The following TMEM175 variants were observed in gnomAD, a reference collection of about 807,000 sequenced individuals.
TMEM175 encodes the protein transmembrane protein 175.
A neutral mutation model predicts 36.5 loss-of-function variants in TMEM175; 36 were observed. That is an observed-to-expected ratio of 0.99 (90% confidence interval 0.76 to 1.30). The LOEUF is 1.30. Among genes scored for constraint, TMEM175 ranks in the 50% most tolerant of loss-of-function variants. The pLI is 0.00. For synonymous variants in TMEM175, 339 were observed against 313.4 expected, an observed-to-expected ratio of 1.08 and a Z score of -0.86; for missense variants, 705 against 692.8, an observed-to-expected ratio of 1.02 and a Z score of -0.20.
At chr4:943,090 TCAGTAA>T in intron 1 of TMEM175, among the ~76,000 whole-genome samples, 1 of 152,056 alleles carries the variant, frequency 6.6e-6, no homozygotes, top group South Asian at 2.1e-4. Flanking sequence ...TACAAACAAC[TCAGTAA>T]ACAAGCAAAG....
intron 3 of TMEM175, chr4:948,478 C>A (rs1163506651): frequency 6.9e-7 from 1 of 1,447,498 alleles, no homozygotes; most frequent in South Asian, 1.2e-5. Flanking sequence ...CGGGCCTGCC[C>A]CAAGGACAGA....
chr4:953,534 T>G (rs1167699317), intron 8 of TMEM175, among the ~76,000 whole-genome samples, 180 bp downstream of exon 8: 1 of 152,134 alleles, frequency 6.6e-6, no homozygotes, highest in Non-Finnish European at 1.5e-5. Flanking sequence ...GGAGGCCTGC[T>G]CCACCTGAGG....
At chr4:955,282 T>A (rs1324427304) in intron 8 of TMEM175, 123 bp from the exon 9 acceptor site, 4 of 711,156 alleles carry the variant, frequency 5.6e-6, no homozygotes, top group Non-Finnish European at 9.9e-6. Context: ...CCCCATCAGA[T>A]ACATGATCTG....
chr4:947,858 G>A lies in TMEM175; in HGVS notation c.119G>A (p.Ser40Asn). 1 of 1,613,658 alleles carries A rather than the reference G, an allele frequency of 6.2e-7. No individual in the cohort carries two copies. Among genetic ancestry groups the A allele is most frequent in the South Asian group, 1.1e-5 (1 of 91,092 alleles). Residue 40 changes from serine (S) to asparagine (N), a missense_variant, in exon 2 of 11, where the codon AGT becomes AAT. Physicochemically the swap from Ser to Asn is conservative, Grantham distance 46 (BLOSUM62 1). Coordinates refer to ENST00000264771, the MANE Select transcript of TMEM175 (RefSeq NM_032326.4). Reference sequence around the variant, plus strand: ...TGCTCCCAACGCATGCTCAGCTTCAGTGACGCCCTGCTGTCCATCATCGCC... The same window carrying A: ...TGCTCCCAACGCATGCTCAGCTTCAATGACGCCCTGCTGTCCATCATCGCC... ...IQCSQRMLSF[S>N]DALLSIIATV...
At chr4:944,585 C>T (rs760515599) in intron 1 of TMEM175, among the ~76,000 whole-genome samples, 3 of 152,096 alleles carry the variant, frequency 2.0e-5, no homozygotes, top group African/African-American at 4.8e-5. Flanking sequence ...CATTTCTTAC[C>T]GTATACACAT....
At position 943,328 on chromosome 4, in the gene TMEM175, C is replaced by T. The variant is rs187695912; in HGVS notation, c.-31-4381C>T. ...GTGCAGTGGCACGATCTTGGCTCACCGCAACGTCCACTTTCTGGGATCAAG... is the reference window on the plus strand; with the variant it reads ...GTGCAGTGGCACGATCTTGGCTCACTGCAACGTCCACTTTCTGGGATCAAG... On this transcript the variant is annotated intron_variant, in intron 1 of 10. Coordinates refer to ENST00000264771, the MANE Select transcript of TMEM175 (RefSeq NM_032326.4). 6.0e-3 allele frequency among the ~76,000 whole-genome samples: 908 copies of T among 152,288 alleles called. 5 individuals carry two copies. The highest frequency in any genetic ancestry group is 8.4e-3 in the Non-Finnish European group (572 of 68,022).
chr4:940,520 A>T (rs962440720), intron 1 of TMEM175, among the ~76,000 whole-genome samples: 1 of 151,332 alleles, frequency 6.6e-6, no homozygotes, highest in Non-Finnish European at 1.5e-5. Context: ...AGCACCAGAG[A>T]TTTTTAGGGT....
At chr4:934,086 A>C (rs1324487258) in intron 1 of TMEM175, among the ~76,000 whole-genome samples, 1 of 152,256 alleles carries the variant, frequency 6.6e-6, no homozygotes, top group African/African-American at 2.4e-5. Flanking sequence ...ATACAACTGC[A>C]ATTCAACGCA....
chr4:956,307 C>T (rs570403995), intron 10 of TMEM175: 24 of 1,280,994 alleles, frequency 1.9e-5, no homozygotes, highest in Admixed American at 2.6e-5. Context: ...TGCCCCCCAT[C>T]GCTTCGCAGC....
intron 1 of TMEM175, among the ~76,000 whole-genome samples, chr4:935,146 C>T (rs1429312503): frequency 6.6e-6 from 1 of 152,212 alleles, no homozygotes; most frequent in Non-Finnish European, 1.5e-5. Flanking sequence ...GACCTGGGAT[C>T]AGCTGGACAT....
In TMEM175 at chr4:951,207, G is replaced by A; in HGVS notation, c.291G>A (p.Arg97=). 1 of 1,614,046 alleles carries A rather than the reference G, an allele frequency of 6.2e-7. No homozygotes were observed. Among genetic ancestry groups the A allele is most frequent in the East Asian group, 2.2e-5 (1 of 44,886 alleles). ...TCTATCTTTTTCTTAAATGGTTTAG[G>A]TTGTTCCAAGTTGTTGGGAAAACAG... The part of the protein sequence containing the change: ...IVTVAWAAHT[R]LFQVVGKTDD... The change falls in exon 5 of 11, where the codon AGG becomes AGA. Residue 97 remains arginine, a splice_region_variant and synonymous_variant. Transcript: ENST00000264771.
chr4:958,089 C>G lies in TMEM175; in HGVS notation c.1108C>G (p.Arg370Gly), dbSNP rs373083547. Residue 370 changes from arginine to glycine, a missense_variant, in exon 11 of 11, where the codon CGC becomes GGC. Arg to Gly is a moderately radical substitution (Grantham distance 125). Transcript: ENST00000264771. ...GACCTCGGCCTTCGCCCGGCAGCCC[C>G]GCGATGAGCTGGAGCGCGTGCGTGT... ...QQTSAFARQP[R>G]DELERVRVSC... 2.5e-6 allele frequency: 4 copies of G among 1,607,176 alleles called. No homozygotes were observed. Among genetic ancestry groups the G allele is most frequent in the Admixed American group, 1.7e-5 (1 of 59,998 alleles).
chr4:957,888 C>T lies in TMEM175; in HGVS notation c.907C>T (p.Leu303=), dbSNP rs566394458. The stretch of plus-strand genomic sequence containing the variant: ...GTTCAGCGGCAGCCTCGTGGCCGCC[C>T]TGAGTGCGACCGGGCCGCGCTTCCT... ...ERFSGSLVAA[L]SATGPRFLAY... The change falls in exon 11 of 11, where the codon CTG becomes TTG. Residue 303 remains leucine (L), a synonymous_variant. Coordinates refer to ENST00000264771, the MANE Select transcript of TMEM175 (RefSeq NM_032326.4). The T allele has an allele frequency of 3.0e-5, 49 of 1,612,710 alleles. No homozygotes were observed. In the East Asian group the frequency reaches 9.8e-4, roughly 32 times the overall value.
rs1729543114 is a variant in TMEM175 at position 955,789 on chromosome 4, C to T, written c.741C>T (p.Val247=). 5 of 1,613,682 alleles carry T rather than the reference C, an allele frequency of 3.1e-6. No individual in the cohort carries two copies. Among genetic ancestry groups the T allele is most frequent in the Non-Finnish European group, 4.2e-6 (5 of 1,179,954 alleles). Reference sequence around the variant, plus strand: ...AGCCCTCGGCTCACCCAGTGGAAGTCTTCTCGTTTGACCTCCACGAGCCAC... The same window carrying T: ...AGCCCTCGGCTCACCCAGTGGAAGTTTTCTCGTTTGACCTCCACGAGCCAC... The part of the protein sequence containing the change: ...HREPSAHPVE[V]FSFDLHEPLS... Residue 247 remains valine (V), a synonymous_variant, in exon 10 of 11, where the codon GTC becomes GTT. Transcript: ENST00000264771.
In TMEM175 at chr4:953,663, C is replaced by A. The variant is rs76096556; in HGVS notation, c.627+309C>A. 1.3e-3 allele frequency among the ~76,000 whole-genome samples: 194 copies of A among 152,346 alleles called. 1 individual carries two copies. Among genetic ancestry groups the A allele is most frequent in the Non-Finnish European group, 1.6e-3 (108 of 68,036 alleles). ...GACCAGAAACAGCGACACCCGGAAT[C>A]CGGGGGTGCATGCGTTTTCTTGTTT... On this transcript the variant is annotated intron_variant, in intron 8 of 10. Transcript: ENST00000264771.
chr4:935,599 C>T (rs182167567), intron 1 of TMEM175, among the ~76,000 whole-genome samples: 27 of 152,238 alleles, frequency 1.8e-4, no homozygotes, highest in Admixed American at 7.8e-4. Context: ...TCTCAATAAA[C>T]GATAGGATAG....
chr4:949,126 C>A (rs1340054160), intron 3 of TMEM175, among the ~76,000 whole-genome samples: 1 of 152,132 alleles, frequency 6.6e-6, no homozygotes, highest in Non-Finnish European at 1.5e-5. Flanking sequence ...TGGCCAAATG[C>A]AGTCGTGAGG....
At chr4:953,583 C>T (rs1729241756) in intron 8 of TMEM175, among the ~76,000 whole-genome samples, 1 of 152,252 alleles carries the variant, frequency 6.6e-6, no homozygotes, top group African/African-American at 2.4e-5. Context: ...GACGGACGCT[C>T]ATCGAAGGAA....
Position 949,062 on chromosome 4 carries a change from G to C in TMEM175, c.192+908G>C, listed in dbSNP as rs533725806. Among the ~76,000 whole-genome samples the C allele has an allele frequency of 2.6e-5, 4 of 152,254 alleles. No individual in the cohort carries two copies. The South Asian group carries it at 8.3e-4, about 32-fold the overall frequency. The stretch of plus-strand genomic sequence containing the variant: ...CCCAGAGCCGCTCCCGCCCTCCCTA[G>C]GGGGGCAGCTGCTCAGGAAAGCTGC... On this transcript the variant is annotated intron_variant, in intron 3 of 10. Coordinates refer to ENST00000264771, the MANE Select transcript of TMEM175 (RefSeq NM_032326.4).
Sources: allele counts gnomAD v4.1 joint callset (sites outside exome capture counted in the v4.1 genomes callset), GRCh38; gene constraint gnomAD v4.1.1; transcripts MANE v1.5; gene names NCBI Gene and HGNC (gene_info 2026-07-23, HGNC 2026-07-21).